Variants in LINGO2 observed in about 807,000 individuals in gnomAD.
LINGO2 encodes the protein leucine rich repeat and Ig domain containing 2.
Under a neutral mutation model 30.6 loss-of-function variants are expected in LINGO2, and 14 were observed. The observed-to-expected ratio is 0.46, with a 90% CI of 0.30 to 0.72. LINGO2 has a LOEUF of 0.72. LINGO2 is among the 30% of genes least tolerant of loss of function. The probability of loss-of-function intolerance (pLI) is 0.07; values close to 1 mark genes in which losing one functional copy is unlikely to be tolerated. For synonymous variants in LINGO2, 317 were observed against 288.5 expected (o/e 1.10, Z -1.00); for missense variants, 729 against 751.7 (o/e 0.97, Z 0.35).
At chr9:28,127,062 C>T (rs949659464) in intron 4 of LINGO2, among the ~76,000 whole-genome samples, 4 of 152,022 alleles carry the variant, frequency 2.6e-5, no homozygotes, top group African/African-American at 9.7e-5. Flanking sequence ...CACAGAAGTC[C>T]CTTAGGTATT....
At chr9:28,552,445 T>A (rs1419175613) in intron 1 of LINGO2, among the ~76,000 whole-genome samples, 1 of 152,052 alleles carries the variant, frequency 6.6e-6, no homozygotes, top group Admixed American at 6.6e-5. Flanking sequence ...ACACTTGGTC[T>A]TATTGTTTAC....
chr9:29,171,046 C>T, the LINGO2 span, among the ~76,000 whole-genome samples: 1 of 151,934 alleles, frequency 6.6e-6, no homozygotes, highest in Non-Finnish European at 1.5e-5. Context: ...TGAAGAACTT[C>T]TTCTATCCTG....
At chr9:28,410,179 A>T (rs760523049) in intron 2 of LINGO2, among the ~76,000 whole-genome samples, 54 of 151,868 alleles carry the variant, frequency 3.6e-4, no homozygotes, top group Non-Finnish European at 6.5e-4. Flanking sequence ...GAAAGAGGAA[A>T]GGAAAGGGAA....
chr9:28,903,171 T>C, the LINGO2 span, among the ~76,000 whole-genome samples: 2 of 150,074 alleles, frequency 1.3e-5, no homozygotes, highest in African/African-American at 4.9e-5. Flanking sequence ...ATAAATAAAA[T>C]CAGAAATGAA....
At chr9:28,265,288 C>T (rs1822708873) in intron 4 of LINGO2, among the ~76,000 whole-genome samples, 1 of 151,864 alleles carries the variant, frequency 6.6e-6, no homozygotes, top group Non-Finnish European at 1.5e-5. Flanking sequence ...CACAGGGATA[C>T]CTCTTCTGAG....
At chr9:28,885,113 T>C in the LINGO2 span, among the ~76,000 whole-genome samples, 11 of 144,478 alleles carry the variant, frequency 7.6e-5, no homozygotes, top group African/African-American at 2.8e-4. Context: ...TGGCTGGCCC[T>C]CCTCTCAGAA....
the LINGO2 span, among the ~76,000 whole-genome samples, chr9:29,021,282 G>T: frequency 1.6e-4 from 25 of 152,294 alleles, no homozygotes; most frequent in Admixed American, 4.6e-4. Flanking sequence ...AAGGGTATTT[G>T]AATGCGTCTG....
At chr9:28,586,880 GA>G (rs928749746) in intron 1 of LINGO2, among the ~76,000 whole-genome samples, 53 of 151,802 alleles carry the variant, frequency 3.5e-4, no homozygotes, top group Non-Finnish European at 6.3e-4. Flanking sequence ...AATTTCTTAA[GA>G]AAAAAAACTA....
chr9:28,733,188 T>A, the LINGO2 span, among the ~76,000 whole-genome samples: 1 of 152,128 alleles, frequency 6.6e-6, no homozygotes, highest in Admixed American at 6.6e-5. Context: ...CCATTGCTTA[T>A]CCGTTGCAAA....
At chr9:28,650,866 A>G (rs1240596697) in intron 1 of LINGO2, among the ~76,000 whole-genome samples, 1 of 152,202 alleles carries the variant, frequency 6.6e-6, no homozygotes, top group Non-Finnish European at 1.5e-5. Context: ...CTTACCAGCC[A>G]ATTTTAAAGG....
intron 5 of LINGO2, among the ~76,000 whole-genome samples, chr9:28,002,045 A>C (rs560618986): frequency 2.0e-5 from 3 of 152,356 alleles, no homozygotes; most frequent in Admixed American, 1.3e-4. Context: ...GGGAAGGAGC[A>C]CTTACTATTT....
rs867111276 is a variant in LINGO2 at position 28,667,511 on chromosome 9, T to C, written c.-365+2689A>G. On this transcript the variant is annotated intron_variant, in intron 1 of 5. Coordinates refer to ENST00000379992, the Ensembl canonical transcript of LINGO2. ...GTAATCCCAGCATTTTGGGATGCCA[T>C]GGCAAGTGGATCATTTGAGGTCAGG... is the stretch of plus-strand genomic sequence containing the variant. Among the ~76,000 whole-genome samples the C allele has an allele frequency of 1.1e-4, 17 of 152,204 alleles. No individual in the cohort carries two copies. In the Middle Eastern group the frequency reaches 0.027, roughly 244 times the overall value.
chr9:28,019,135 A>G (rs149867573), intron 4 of LINGO2, among the ~76,000 whole-genome samples: 1 of 152,070 alleles, frequency 6.6e-6, no homozygotes, highest in East Asian at 1.9e-4. Flanking sequence ...ACAGATGAAG[A>G]TGGGAGGAGG....
chr9:28,539,354 G>A (rs774161263), intron 1 of LINGO2, among the ~76,000 whole-genome samples: 2 of 152,100 alleles, frequency 1.3e-5, no homozygotes, highest in Non-Finnish European at 2.9e-5. Flanking sequence ...TTTAGTGAAT[G>A]TTTAATAAGT....
chr9:28,646,961 G>GA (rs1827869900), intron 1 of LINGO2, among the ~76,000 whole-genome samples: 1 of 152,196 alleles, frequency 6.6e-6, no homozygotes, highest in African/African-American at 2.4e-5. Context: ...TTTCTGGAAA[G>GA]TTAAGAGACA....
chr9:28,052,934 C>A (rs191142407), intron 4 of LINGO2, among the ~76,000 whole-genome samples: 30 of 151,562 alleles, frequency 2.0e-4, no homozygotes, highest in African/African-American at 7.3e-4. Context: ...AATCTGTATT[C>A]AAATACATTT....
the LINGO2 span, among the ~76,000 whole-genome samples, chr9:28,879,024 A>G: frequency 2.0e-5 from 3 of 152,208 alleles, no homozygotes; most frequent in Non-Finnish European, 4.4e-5. Context: ...AGTGTATTCA[A>G]TTAGGAAAAG....
At chr9:28,571,400 C>A (rs1427315444) in intron 1 of LINGO2, among the ~76,000 whole-genome samples, 1 of 152,054 alleles carries the variant, frequency 6.6e-6, no homozygotes, top group Non-Finnish European at 1.5e-5. Context: ...TACTAAAACA[C>A]TCTGTACAGA....
intron 1 of LINGO2, among the ~76,000 whole-genome samples, chr9:28,550,768 A>T (rs1270714415): frequency 6.6e-6 from 1 of 151,908 alleles, no homozygotes; most frequent in Non-Finnish European, 1.5e-5. Flanking sequence ...TACATGCATC[A>T]ATGTAAGGAG....
Sources: gnomAD v4.1 joint callset for allele counts (sites outside exome capture counted in the v4.1 genomes callset) on GRCh38, gnomAD v4.1.1 for gene constraint, MANE v1.5 for transcripts, NCBI Gene and HGNC (gene_info 2026-07-23, HGNC 2026-07-21) for gene names.